The following CA10 variants were observed in gnomAD, a reference collection of about 807,000 sequenced individuals.
CA10 encodes the protein carbonic anhydrase-related protein 10.
Under a neutral mutation model 44.2 loss-of-function variants are expected in CA10, and 14 were observed. That is an observed-to-expected ratio of 0.32 (90% CI 0.21 to 0.50). CA10 has a LOEUF of 0.50. CA10 is among the 20% of genes least tolerant of loss of function. CA10 has a pLI of 0.99. For missense variants in CA10, 350 were observed against 409.7 expected, an observed-to-expected ratio of 0.85 and a Z score of 1.26; for synonymous variants, 159 against 141.6, an observed-to-expected ratio of 1.12 and a Z score of -0.87.
intron 4 of CA10, among the ~76,000 whole-genome samples, chr17:51,663,056 T>C (rs1567793992): frequency 6.6e-6 from 1 of 152,144 alleles, no homozygotes; most frequent in Non-Finnish European, 1.5e-5. Flanking sequence ...TTATGCATAA[T>C]ATAGGGATGC....
At chr17:51,677,453 GC>G (rs1055597733) in intron 4 of CA10, among the ~76,000 whole-genome samples, 2 of 151,938 alleles carry the variant, frequency 1.3e-5, no homozygotes, top group Non-Finnish European at 2.9e-5. Context: ...GTTTCCTGAG[GC>G]CCCCCCAGAA....
intron 2 of CA10, among the ~76,000 whole-genome samples, chr17:51,974,135 C>T (rs1317941966): frequency 6.6e-6 from 1 of 151,946 alleles, no homozygotes; most frequent in African/African-American, 2.4e-5. Flanking sequence ...CCTGTAATCC[C>T]AGCACTTTGG....
At chr17:51,845,291 T>C (rs1978442156) in intron 3 of CA10, among the ~76,000 whole-genome samples, 1 of 152,204 alleles carries the variant, frequency 6.6e-6, no homozygotes, top group African/African-American at 2.4e-5. Flanking sequence ...GCACTGCGGC[T>C]TTCTCTGTGC....
At chr17:52,134,968 G>A in intron 1 of CA10, 1 of 518,986 alleles carries the variant, frequency 1.9e-6, no homozygotes, top group South Asian at 1.4e-5. Flanking sequence ...TGCTCTCCAT[G>A]TGTGCCATCA....
At chr17:51,818,806 T>C (rs1483910341) in intron 3 of CA10, among the ~76,000 whole-genome samples, 1 of 152,226 alleles carries the variant, frequency 6.6e-6, no homozygotes, top group Non-Finnish European at 1.5e-5. Context: ...GATTCTTAGC[T>C]TCTCCATGTG....
chr17:51,669,259 AC>A (rs1209733119), intron 4 of CA10, among the ~76,000 whole-genome samples: 2 of 152,106 alleles, frequency 1.3e-5, no homozygotes, highest in Non-Finnish European at 2.9e-5. Context: ...TTGTATATGT[AC>A]CAATCAGCAC....
rs537558710 is a variant in CA10 at position 51,948,853 on chromosome 17, A to G, written c.137-17721T>C. ...AGATGTTTGCTAAATTGCTGATATT[A>G]TATATTTTTGAAGGTATATTTACAT... On this transcript the variant is annotated intron_variant, in intron 2 of 8. Transcript: ENST00000451037. Among the ~76,000 whole-genome samples the G allele has an allele frequency of 4.6e-5, 7 of 152,282 alleles. No individual in the cohort carries two copies. In the South Asian group the frequency reaches 1.4e-3, roughly 32 times the overall value.
intron 1 of CA10, among the ~76,000 whole-genome samples, chr17:52,108,217 TATATATATAA>T (rs1988710303): frequency 8.1e-6 from 1 of 123,896 alleles, no homozygotes; most frequent in African/African-American, 3.2e-5. Context: ...TATATATATA[TATATATATAA>T]TATGTATATG....
chr17:52,019,083 C>A (rs116018363), intron 2 of CA10, among the ~76,000 whole-genome samples: 7 of 152,180 alleles, frequency 4.6e-5, no homozygotes, highest in African/African-American at 1.7e-4. Context: ...CAAGGAGATT[C>A]TAATGCCATG....
At chr17:52,151,262 ATCCACTCC>A (rs1989696790) in intron 1 of CA10, among the ~76,000 whole-genome samples, 1 of 152,082 alleles carries the variant, frequency 6.6e-6, no homozygotes, top group African/African-American at 2.4e-5. Context: ...AGTCTAACCT[ATCCACTCC>A]ATATGCCCAA....
At chr17:52,072,243 T>C (rs1987698544) in intron 2 of CA10, 76 bp downstream of exon 2, 4 of 1,073,078 alleles carry the variant, frequency 3.7e-6, no homozygotes, top group African/African-American at 1.6e-5. Flanking sequence ...TTTTGCAATG[T>C]AAAATCCTGG....
intron 4 of CA10, among the ~76,000 whole-genome samples, chr17:51,664,031 G>T (rs1291199747): frequency 6.6e-6 from 1 of 152,146 alleles, no homozygotes; most frequent in Admixed American, 6.5e-5. Flanking sequence ...GGAAGAGTTT[G>T]TCCCATGAGA....
chr17:51,798,101 G>A (rs557577685), intron 3 of CA10, among the ~76,000 whole-genome samples: 15 of 152,210 alleles, frequency 9.9e-5, no homozygotes, highest in South Asian at 6.2e-4. Flanking sequence ...TTGCTCCTTC[G>A]CACAATGCAC....
At chr17:51,865,018 C>G (rs75735856) in intron 3 of CA10, among the ~76,000 whole-genome samples, 1 of 150,500 alleles carries the variant, frequency 6.6e-6, no homozygotes, top group African/African-American at 2.5e-5. Flanking sequence ...CCTGAGGAAC[C>G]TAGTGTCTTA....
intron 4 of CA10, among the ~76,000 whole-genome samples, chr17:51,707,677 G>GTGTGTA (rs1449282238): frequency 3.8e-4 from 57 of 151,176 alleles, no homozygotes; most frequent in African/African-American, 1.3e-3. Context: ...GAATATGTGT[G>GTGTGTA]TGTGTGTGTG....
intron 2 of CA10, among the ~76,000 whole-genome samples, chr17:52,063,661 C>T (rs1010938801): frequency 1.3e-5 from 2 of 152,154 alleles, no homozygotes; most frequent in Non-Finnish European, 2.9e-5. Context: ...GTACATGCTG[C>T]CTCCCCTTCC....
intron 3 of CA10, among the ~76,000 whole-genome samples, chr17:51,918,168 A>T (rs1567884698): frequency 6.6e-6 from 1 of 152,206 alleles, no homozygotes; most frequent in Admixed American, 6.5e-5. Context: ...CCTAGCAACG[A>T]TGCATTAAAT....
chr17:52,022,261 T>A (rs1986165246), intron 2 of CA10, among the ~76,000 whole-genome samples: 1 of 152,112 alleles, frequency 6.6e-6, no homozygotes, highest in Non-Finnish European at 1.5e-5. Flanking sequence ...TTCACCACAA[T>A]CAAGCAGGTG....
intron 1 of CA10, among the ~76,000 whole-genome samples, chr17:52,103,814 C>A (rs752762808): frequency 6.6e-6 from 1 of 152,196 alleles, no homozygotes; most frequent in Non-Finnish European, 1.5e-5. Flanking sequence ...AAGAGGCAGT[C>A]CCCCCAGCAC....
Sources: allele counts gnomAD v4.1 joint callset (sites outside exome capture counted in the v4.1 genomes callset), GRCh38; gene constraint gnomAD v4.1.1; transcripts MANE v1.5; gene names NCBI Gene and HGNC (gene_info 2026-07-23, HGNC 2026-07-21).